LCN1: variants seen among roughly 807,000 people sequenced by gnomAD.
LCN1 encodes lipocalin-1.
LCN1 carries 25 observed loss-of-function variants against 22.3 expected under a neutral mutation model. The ratio of observed to expected loss-of-function variants is 1.12; its 90% CI spans 0.82 to 1.56. LCN1 has a LOEUF of 1.56. LCN1 is among the 40% of genes most tolerant of loss of function. LCN1 has a pLI of 0.00. For synonymous variants in LCN1, 85 were observed against 97.6 expected (o/e 0.87, Z 0.76); for missense variants, 219 against 235.6 (o/e 0.93, Z 0.46).
At position 135,521,452 on chromosome 9, in the gene LCN1, C is replaced by A; in HGVS notation, c.-46C>A. ...GGAGGACTGGTACAGCCTCTCCCAGCCCCAGCAAGCGACCTGTCAGGCGGC... is the reference window on the plus strand; with the variant it reads ...GGAGGACTGGTACAGCCTCTCCCAGACCCAGCAAGCGACCTGTCAGGCGGC... On this transcript the variant is annotated 5_prime_UTR_variant, in exon 1 of 7. Coordinates refer to ENST00000371781, the MANE Select transcript of LCN1 (RefSeq NM_002297.4). 1.3e-6 allele frequency: 2 copies of A among 1,542,298 alleles called. No individual in the cohort carries two copies. The highest frequency in any genetic ancestry group is 1.8e-6 in the Non-Finnish European group (2 of 1,119,620).
At chr9:135,525,254 C>A in intron 6 of LCN1, 96 bp downstream of exon 6, 3 of 1,271,560 alleles carry the variant, frequency 2.4e-6, no homozygotes, top group Non-Finnish European at 3.3e-6. Flanking sequence ...CCATCCCACT[C>A]CTACCTGGGT....
At position 135,524,814 on chromosome 9, in the gene LCN1, GT is replaced by G; in HGVS notation, c.404-15del. On this transcript the variant is annotated splice_polypyrimidine_tract_variant and intron_variant, in intron 4 of 6. Transcript: ENST00000371781. ...GTGCTGCCTCGAGCACCCACATCTC[GT>G]CCTGGCACCCACAGGCAGAGACCCC... is the stretch of plus-strand genomic sequence containing the variant. 1.9e-6 allele frequency: 3 copies of G among 1,585,624 alleles called. No homozygotes were observed. The South Asian group carries it at 3.5e-5, about 18-fold the overall frequency.
intron 5 of LCN1, 25 bp downstream of exon 5, chr9:135,524,956 C>T (rs772665508): frequency 7.5e-6 from 12 of 1,590,688 alleles, no homozygotes; most frequent in Admixed American, 5.2e-5. Context: ...CCTGCAGAGC[C>T]CCCCATGTCC....
chr9:135,525,327 C>T (rs894701040), intron 6 of LCN1, among the ~76,000 whole-genome samples, 169 bp downstream of exon 6: 3 of 152,116 alleles, frequency 2.0e-5, no homozygotes, highest in African/African-American at 7.2e-5. Flanking sequence ...CACGCTCGGG[C>T]GTCAGACTCC....
rs1831510011 is a variant in LCN1, at chr9:135,522,037, C to T, written c.91-10C>T. 6.3e-7 allele frequency: 1 copy of T among 1,590,598 alleles called. No homozygotes were observed. The highest frequency in any genetic ancestry group is 8.6e-7 in the Non-Finnish European group (1 of 1,168,928). ...TCGGCCTGAGCCTGATAGAGAGGGGCCTTCTCCAGGTGTCAGGGACGTGGT... is the reference window on the plus strand; with the variant it reads ...TCGGCCTGAGCCTGATAGAGAGGGGTCTTCTCCAGGTGTCAGGGACGTGGT... On this transcript the variant is annotated splice_polypyrimidine_tract_variant and intron_variant, in intron 1 of 6. Coordinates refer to ENST00000371781, the MANE Select transcript of LCN1 (RefSeq NM_002297.4).
rs1196752941 is a variant in LCN1 at position 135,523,865 on chromosome 9, G to A, written c.293-15G>A. On this transcript the variant is annotated splice_polypyrimidine_tract_variant and intron_variant, in intron 3 of 6. Coordinates refer to ENST00000371781, the MANE Select transcript of LCN1 (RefSeq NM_002297.4). Reference sequence around the variant, plus strand: ...CTGGTGGCTAATTCAGGAATGTGCTGCTGTCTTTCTGCAGACGGGGGCAAG... The same window carrying A: ...CTGGTGGCTAATTCAGGAATGTGCTACTGTCTTTCTGCAGACGGGGGCAAG... 5 of 1,609,230 alleles carry A rather than the reference G, an allele frequency of 3.1e-6. No individual in the cohort carries two copies. The highest frequency in any genetic ancestry group is 2.2e-5 in the East Asian group (1 of 44,868).
intron 5 of LCN1, 51 bp downstream of exon 5, chr9:135,524,982 AGC>A: frequency 6.4e-7 from 1 of 1,555,622 alleles, no homozygotes; most frequent in African/African-American, 1.4e-5. Flanking sequence ...TGGGGACATC[AGC>A]AGAGCTGCAT....
chr9:135,524,588 G>A (rs562147967), intron 4 of LCN1, among the ~76,000 whole-genome samples: 2 of 152,254 alleles, frequency 1.3e-5, no homozygotes, highest in African/African-American at 4.8e-5. Flanking sequence ...TCCTCACTCC[G>A]GGAGATGCTC....
rs746758540 is a variant in LCN1 at position 135,524,030 on chromosome 9, C to T, written c.403+40C>T. On this transcript the variant is annotated intron_variant, in intron 4 of 6. Transcript: ENST00000371781. Reference sequence around the variant, plus strand: ...CTCACCCTGCAACCCATGCCTCCACCTGCCCTCCCTCCTCCCTCGGCCTCC... The same window carrying T: ...CTCACCCTGCAACCCATGCCTCCACTTGCCCTCCCTCCTCCCTCGGCCTCC... The T allele has an allele frequency of 5.4e-6, 8 of 1,475,674 alleles. No individual in the cohort carries two copies. The Admixed American group carries it at 6.8e-5, about 12-fold the overall frequency. 91.4% of individuals were successfully genotyped at this position (1,475,674 alleles called of 1,614,324 possible).
At position 135,522,058 on chromosome 9, in the gene LCN1, G is replaced by A. The variant is rs374415872; in HGVS notation, c.102G>A (p.Thr34=). ...SDEEIQDVSG[T]WYLKAMTVDR... ...GGGGCCTTCTCCAGGTGTCAGGGACGTGGTATCTGAAGGCCATGACGGTGG... is the reference window on the plus strand; with the variant it reads ...GGGGCCTTCTCCAGGTGTCAGGGACATGGTATCTGAAGGCCATGACGGTGG... The change falls in exon 2 of 7, where the codon ACG becomes ACA. Residue 34 remains threonine (T), a synonymous_variant. Coordinates refer to ENST00000371781, the MANE Select transcript of LCN1 (RefSeq NM_002297.4). 2.7e-5 allele frequency: 43 copies of A among 1,593,184 alleles called. No individual in the cohort carries two copies. The highest frequency in any genetic ancestry group is 2.6e-4 in the African/African-American group (19 of 74,492).
At chr9:135,523,155 G>T in intron 2 of LCN1, 77 bp from the exon 3 acceptor site, 1 of 1,340,622 alleles carries the variant, frequency 7.5e-7, no homozygotes, top group Non-Finnish European at 1.0e-6. Flanking sequence ...CATTTGCAGG[G>T]CATTGCAGCA....
chr9:135,526,362 T>A lies in LCN1; in HGVS notation c.*20T>A, dbSNP rs532745950. 12 of 1,253,024 alleles carry A rather than the reference T, an allele frequency of 9.6e-6. No homozygotes were observed. In the Admixed American group the frequency reaches 2.7e-4, roughly 29 times the overall value. 77.6% of individuals were successfully genotyped at this position (1,253,024 alleles called of 1,614,324 possible). A position where few individuals can be genotyped will look rare whatever the true frequency, so the allele number is the denominator to read the frequency against. On this transcript the variant is annotated 3_prime_UTR_variant, in exon 7 of 7. Coordinates refer to ENST00000371781, the MANE Select transcript of LCN1 (RefSeq NM_002297.4). ...TTTCCAGGGCAGGGGACACCTTGGCTCCTCAGCAGCCCAAGGACGGCACCA... is the reference window on the plus strand; with the variant it reads ...TTTCCAGGGCAGGGGACACCTTGGCACCTCAGCAGCCCAAGGACGGCACCA...
rs117638349 is a variant in LCN1, at chr9:135,523,885, G to C, written c.298G>C (p.Gly100Arg). 7.1e-3 allele frequency: 11,481 copies of C among 1,613,578 alleles called. 55 individuals are homozygous for C. Among genetic ancestry groups the C allele is most frequent in the Non-Finnish European group, 8.5e-3 (10,065 of 1,179,528 alleles). ...GTGCTGCTGTCTTTCTGCAGACGGG[G>C]GCAAGCACGTGGCATACATCATCAG... is the stretch of plus-strand genomic sequence containing the variant. The part of the protein sequence containing the change: ...DEPGKYTADG[G>R]KHVAYIIRSH... Residue 100 changes from glycine to arginine, a missense_variant, in exon 4 of 7, where the codon GGC (glycine) becomes CGC (arginine). Transcript: ENST00000371781.
rs183113850 is a variant in LCN1 at position 135,525,404 on chromosome 9, C to T, written c.*1+246C>T. ...ACAGCGCTGAGCCCGCCTTTGCTGGCTGCTGGTGGAGACGGTGTCTACCCC... is the reference window on the plus strand; with the variant it reads ...ACAGCGCTGAGCCCGCCTTTGCTGGTTGCTGGTGGAGACGGTGTCTACCCC... On this transcript the variant is annotated intron_variant, in intron 6 of 6. Transcript: ENST00000371781. Among the ~76,000 whole-genome samples, 73 of 152,280 alleles carry T rather than the reference C, an allele frequency of 4.8e-4. No individual in the cohort carries two copies. In the East Asian group the frequency reaches 0.012, roughly 26 times the overall value.
chr9:135,524,873 G>C lies in LCN1; in HGVS notation c.447G>C (p.Glu149Asp). ...ACCTGGAAGCCTTGGAGGACTTTGA[G>C]AAAGCCGCAGGAGCCCGCGGACTCA... ...KNNLEALEDF[E>D]KAAGARGLST... is the part of the protein sequence containing the mutation. The change falls in exon 5 of 7, where the codon GAG becomes GAC. Residue 149 changes from glutamate (E) to aspartate (D), a missense_variant. Glu to Asp is a conservative substitution (Grantham distance 45). Coordinates refer to ENST00000371781, the MANE Select transcript of LCN1 (RefSeq NM_002297.4). The C allele has an allele frequency of 6.2e-7, 1 of 1,608,506 alleles. No individual in the cohort carries two copies. The highest frequency in any genetic ancestry group is 1.7e-5 in the Admixed American group (1 of 59,452).
chr9:135,523,787 G>C (rs1405020074), intron 3 of LCN1, 93 bp from the exon 4 acceptor site: 7 of 1,035,016 alleles, frequency 6.8e-6, no homozygotes, highest in Non-Finnish European at 1.0e-5. Context: ...CAGGAGCTGC[G>C]GGGCTTGCTG....
chr9:135,522,512 G>A (rs1384980386), intron 2 of LCN1, among the ~76,000 whole-genome samples: 1 of 152,258 alleles, frequency 6.6e-6, no homozygotes, highest in Non-Finnish European at 1.5e-5. Flanking sequence ...AGTCCTGGCA[G>A]TAAATTTCTG....
chr9:135,524,783 G>A (rs964500645), intron 4 of LCN1, 47 bp from the exon 5 acceptor site: 19 of 1,466,468 alleles, frequency 1.3e-5, no homozygotes, highest in African/African-American at 9.9e-5. Context: ...GGGTGCCGTC[G>A]GCCCAGTGCT....
chr9:135,523,619 G>A (rs576243686), intron 3 of LCN1, among the ~76,000 whole-genome samples: 219 of 152,276 alleles, frequency 1.4e-3, no homozygotes, highest in African/African-American at 5.0e-3. Flanking sequence ...TCCCACCTCC[G>A]CAGACCTCAT....
Sources: allele counts gnomAD v4.1 joint callset (sites outside exome capture counted in the v4.1 genomes callset), GRCh38; gene constraint gnomAD v4.1.1; transcripts MANE v1.5; gene names NCBI Gene and HGNC (gene_info 2026-07-23, HGNC 2026-07-21).